CSMD1: variants seen among roughly 807,000 people sequenced by gnomAD.
CSMD1 encodes CUB and Sushi multiple domains 1.
In CSMD1, 213 loss-of-function variants were observed where a neutral mutation model predicts 417.5. The observed-to-expected ratio is 0.51, with a 90% CI of 0.46 to 0.57. The LOEUF (loss-of-function observed/expected upper bound fraction) is 0.57, where lower values mean the gene tolerates loss of function less well. Ranked by LOEUF, CSMD1 falls within the 20% of genes least tolerant of loss-of-function variation. The probability of loss-of-function intolerance (pLI) is 0.00; values close to 1 mark genes in which losing one functional copy is unlikely to be tolerated. For synonymous variants in CSMD1, 2,862 were observed against 1,736.8 expected (o/e 1.65, Z -16.11); for missense variants, 6,923 against 4,529.7 (o/e 1.53, Z -15.17).
intron 17 of CSMD1, 108 bp downstream of exon 17, chr8:3,396,086 G>C (rs988022099): frequency 2.2e-6 from 2 of 911,394 alleles, no homozygotes; most frequent in African/African-American, 1.7e-5. Context: ...GAGTCAAGCA[G>C]GATCAGTAAA....
intron 5 of CSMD1, among the ~76,000 whole-genome samples, chr8:3,923,159 T>C (rs1809397014): frequency 6.6e-6 from 1 of 152,102 alleles, no homozygotes; most frequent in African/African-American, 2.4e-5. Flanking sequence ...ACGCCGAAGC[T>C]TCATGAGACC....
chr8:4,299,570 T>C (rs1057406915), intron 3 of CSMD1, among the ~76,000 whole-genome samples: 2 of 152,156 alleles, frequency 1.3e-5, no homozygotes, highest in African/African-American at 4.8e-5. Context: ...AAATTTAAAG[T>C]CTACATTCAG....
chr8:3,955,453 G>A (rs1440934412), intron 5 of CSMD1, among the ~76,000 whole-genome samples: 1 of 152,142 alleles, frequency 6.6e-6, no homozygotes, highest in Non-Finnish European at 1.5e-5. Context: ...AAAAAATGTA[G>A]AAATAAAGTA....
intron 2 of CSMD1, among the ~76,000 whole-genome samples, chr8:4,463,990 G>C (rs538565319): frequency 6.6e-6 from 1 of 152,022 alleles, no homozygotes; most frequent in African/African-American, 2.4e-5. Flanking sequence ...TTAGCTATAA[G>C]TCTCATTTCC....
chr8:3,976,762 A>C (rs1813465847), intron 5 of CSMD1, among the ~76,000 whole-genome samples: 1 of 152,190 alleles, frequency 6.6e-6, no homozygotes, highest in Non-Finnish European at 1.5e-5. Flanking sequence ...CATTTTGTAG[A>C]GAATGAAATT....
chr8:4,522,863 G>T (rs935575830), intron 2 of CSMD1, among the ~76,000 whole-genome samples: 8 of 152,112 alleles, frequency 5.3e-5, no homozygotes, highest in African/African-American at 1.9e-4. Flanking sequence ...CCATGCCCTG[G>T]CTACGTGTTC....
chr8:4,827,938 G>A (rs547476951), intron 1 of CSMD1, among the ~76,000 whole-genome samples: 3 of 152,288 alleles, frequency 2.0e-5, no homozygotes, highest in Non-Finnish European at 2.9e-5. Flanking sequence ...ATTCATTCAT[G>A]AGTTTCAAAA....
At chr8:3,783,218 G>C (rs923107316) in intron 5 of CSMD1, among the ~76,000 whole-genome samples, 20 of 152,214 alleles carry the variant, frequency 1.3e-4, no homozygotes, top group African/African-American at 3.9e-4. Context: ...TTCCTGGATA[G>C]CAGTGCATGG....
At chr8:4,125,155 G>C (rs991506075) in intron 3 of CSMD1, among the ~76,000 whole-genome samples, 1 of 151,930 alleles carries the variant, frequency 6.6e-6, no homozygotes, top group African/African-American at 2.4e-5. Flanking sequence ...AAGACTTCTT[G>C]TCTCAAAAGG....
At chr8:3,456,981 A>T (rs191797429) in intron 12 of CSMD1, among the ~76,000 whole-genome samples, 1 of 150,824 alleles carries the variant, frequency 6.6e-6, no homozygotes, top group Admixed American at 6.6e-5. Context: ...TCCTCATCCC[A>T]TAGCCCCTCA....
chr8:4,357,145 A>G (rs1215363136), intron 3 of CSMD1, among the ~76,000 whole-genome samples: 2 of 152,218 alleles, frequency 1.3e-5, no homozygotes, highest in African/African-American at 4.8e-5. Flanking sequence ...ACTTTGGTAT[A>G]TGATCTCAAA....
At chr8:4,163,926 A>G (rs1797307961) in intron 3 of CSMD1, among the ~76,000 whole-genome samples, 1 of 152,186 alleles carries the variant, frequency 6.6e-6, no homozygotes, top group African/African-American at 2.4e-5. Flanking sequence ...GTGACTTTCC[A>G]TCTGTTATAT....
intron 7 of CSMD1, among the ~76,000 whole-genome samples, chr8:3,657,710 G>C (rs141267424): frequency 1.3e-5 from 2 of 152,164 alleles, no homozygotes; most frequent in East Asian, 1.9e-4. Context: ...TAGGGGGCTA[G>C]GGGAGGGGTA....
intron 1 of CSMD1, among the ~76,000 whole-genome samples, chr8:4,907,379 T>C (rs1454788951): frequency 6.6e-6 from 1 of 152,216 alleles, no homozygotes; most frequent in East Asian, 1.9e-4. Flanking sequence ...AGAAGGTCCC[T>C]TGTTAAAATC....
At chr8:3,466,712 A>G (rs1816810847) in intron 12 of CSMD1, among the ~76,000 whole-genome samples, 1 of 151,590 alleles carries the variant, frequency 6.6e-6, no homozygotes, top group African/African-American at 2.4e-5. Context: ...TAAAGGTGTC[A>G]GCCCCCCTGC....
chr8:3,558,519 T>C (rs995445661), intron 10 of CSMD1, among the ~76,000 whole-genome samples: 7 of 149,908 alleles, frequency 4.7e-5, no homozygotes, highest in Non-Finnish European at 8.9e-5. Flanking sequence ...GTACCCCATG[T>C]CGACTCCTCC....
At chr8:4,404,117 T>C (rs1804846037) in intron 3 of CSMD1, among the ~76,000 whole-genome samples, 1 of 152,200 alleles carries the variant, frequency 6.6e-6, no homozygotes, top group African/African-American at 2.4e-5. Flanking sequence ...TCTCCAGAAT[T>C]CCACGCGAGT....
chr8:3,635,343 G>A, intron 7 of CSMD1, among the ~76,000 whole-genome samples: 1 of 151,996 alleles, frequency 6.6e-6, no homozygotes, highest in Non-Finnish European at 1.5e-5. Context: ...GCAAAGTGGT[G>A]CACACCTGTA....
chr8:3,888,740 T>C (rs974206666), intron 5 of CSMD1, among the ~76,000 whole-genome samples: 4 of 152,284 alleles, frequency 2.6e-5, no homozygotes, highest in African/African-American at 9.6e-5. Context: ...TCCCAGTCTC[T>C]GGGACAACAA....
Sources: gnomAD v4.1 joint callset for allele counts (sites outside exome capture counted in the v4.1 genomes callset) on GRCh38, gnomAD v4.1.1 for gene constraint, MANE v1.5 for transcripts, NCBI Gene and HGNC (gene_info 2026-07-23, HGNC 2026-07-21) for gene names.